Variants in BMP2K observed in about 807,000 individuals in gnomAD.
BMP2K encodes the protein BMP2 inducible kinase.
A neutral mutation model predicts 116.0 loss-of-function variants in BMP2K; 74 were observed. The observed-to-expected ratio is 0.64, with a 90% CI of 0.53 to 0.77. BMP2K has a LOEUF of 0.77. Among genes scored for constraint, BMP2K ranks in the 30% least tolerant of loss-of-function variants. The pLI is 0.00. For missense variants in BMP2K, 1,365 were observed against 1,403.6 expected, an observed-to-expected ratio of 0.97 and a Z score of 0.44; for synonymous variants, 486 against 502.5, an observed-to-expected ratio of 0.97 and a Z score of 0.44.
At chr4:78,848,548 C>T (rs1731112786) in intron 6 of BMP2K, among the ~76,000 whole-genome samples, 1 of 151,420 alleles carries the variant, frequency 6.6e-6, no homozygotes, top group Non-Finnish European at 1.5e-5. Context: ...CAATAGGCAT[C>T]ATACTTTTCA....
intron 3 of BMP2K, among the ~76,000 whole-genome samples, chr4:78,841,017 T>C (rs1214659834): frequency 6.6e-6 from 1 of 151,730 alleles, no homozygotes; most frequent in East Asian, 1.9e-4. Context: ...AATGAGGGAG[T>C]GGTGGAAGTT....
intron 1 of BMP2K, among the ~76,000 whole-genome samples, chr4:78,813,036 C>G (rs1248964541): frequency 1.3e-5 from 2 of 151,462 alleles, no homozygotes; most frequent in Non-Finnish European, 2.9e-5. Context: ...AGAGTGAGAC[C>G]TTTTCTCAAA....
chr4:78,864,711 T>C (rs918336988), intron 9 of BMP2K, among the ~76,000 whole-genome samples: 3 of 152,162 alleles, frequency 2.0e-5, no homozygotes, highest in African/African-American at 4.8e-5. Context: ...ATGTAAAAAT[T>C]TTAAGTATTC....
At chr4:78,876,968 A>G (rs1289413143) in intron 13 of BMP2K, among the ~76,000 whole-genome samples, 2 of 152,316 alleles carry the variant, frequency 1.3e-5, no homozygotes, top group Non-Finnish European at 2.9e-5. Context: ...ATTTAGTACT[A>G]TAGACAATTG....
intron 10 of BMP2K, among the ~76,000 whole-genome samples, chr4:78,870,333 A>G (rs186001436): frequency 3.0e-4 from 45 of 152,194 alleles, no homozygotes; most frequent in African/African-American, 1.0e-3. Flanking sequence ...ACAGACTGAA[A>G]TGTAATAAAC....
chr4:78,811,005 C>T (rs1018068898), intron 1 of BMP2K, among the ~76,000 whole-genome samples: 1 of 152,096 alleles, frequency 6.6e-6, no homozygotes, highest in African/African-American at 2.4e-5. Context: ...TCAAGCTTTA[C>T]CTCTTTGGAA....
intron 1 of BMP2K, among the ~76,000 whole-genome samples, chr4:78,790,117 A>G (rs1392407069): frequency 1.3e-5 from 2 of 152,230 alleles, no homozygotes; most frequent in Admixed American, 1.3e-4. Context: ...AATTCCTATG[A>G]TATTATAAAA....
At chr4:78,902,323 T>C (rs1577977164) in intron 15 of BMP2K, among the ~76,000 whole-genome samples, 1 of 152,150 alleles carries the variant, frequency 6.6e-6, no homozygotes, top group African/African-American at 2.4e-5. Flanking sequence ...GAGAACATAA[T>C]GGAAATGTCA....
chr4:78,862,298 A>T (rs1239166205), intron 9 of BMP2K, among the ~76,000 whole-genome samples: 1 of 152,104 alleles, frequency 6.6e-6, no homozygotes, highest in Non-Finnish European at 1.5e-5. Flanking sequence ...AACGATTACA[A>T]CCTGATAGAT....
intron 5 of BMP2K, among the ~76,000 whole-genome samples, chr4:78,846,066 T>G (rs1730983986): frequency 6.6e-6 from 1 of 151,742 alleles, no homozygotes; most frequent in Non-Finnish European, 1.5e-5. Flanking sequence ...TTGTGATGTT[T>G]AGTGGCTGCT....
At chr4:78,895,485 A>T (rs980621853) in intron 15 of BMP2K, among the ~76,000 whole-genome samples, 4 of 152,190 alleles carry the variant, frequency 2.6e-5, no homozygotes, top group Non-Finnish European at 4.4e-5. Context: ...ATAAATTTTT[A>T]AAAAATACTT....
chr4:78,870,077 G>A (rs140669470), intron 10 of BMP2K, among the ~76,000 whole-genome samples: 90 of 152,268 alleles, frequency 5.9e-4, no homozygotes, highest in African/African-American at 2.1e-3. Flanking sequence ...TGCATTAAGT[G>A]TATATCTTAC....
chr4:78,794,536 T>G (rs908578892), intron 1 of BMP2K, among the ~76,000 whole-genome samples: 2 of 152,210 alleles, frequency 1.3e-5, no homozygotes, highest in Non-Finnish European at 2.9e-5. Context: ...TAATAGTGTT[T>G]GAAAAGATTA....
chr4:78,887,276 C>G lies in BMP2K; in HGVS notation c.2054C>G (p.Ser685Cys). The change falls in exon 15 of 16, where the codon TCT becomes TGT. Residue 685 changes from serine to cysteine, a missense_variant. Transcript: ENST00000502613. Reference protein sequence around the residue: ...EDPFGSVPFISHSGSPEKKAE... With the variant: ...EDPFGSVPFICHSGSPEKKAE... Reference sequence around the variant, plus strand: ...CCTTTTGGTTCTGTTCCTTTCATTTCTCATTCAGGCAAGTTACACATGTAA... The same window carrying G: ...CCTTTTGGTTCTGTTCCTTTCATTTGTCATTCAGGCAAGTTACACATGTAA... 6.2e-7 allele frequency: 1 copy of G among 1,602,630 alleles called. No homozygotes were observed. The highest frequency in any genetic ancestry group is 1.1e-5 in the South Asian group (1 of 89,080).
intron 13 of BMP2K, among the ~76,000 whole-genome samples, chr4:78,875,930 A>G (rs1360668720): frequency 6.6e-6 from 1 of 152,244 alleles, no homozygotes; most frequent in Non-Finnish European, 1.5e-5. Flanking sequence ...ACCTAGTCTC[A>G]GCAGTCATGG....
intron 1 of BMP2K, among the ~76,000 whole-genome samples, chr4:78,790,216 G>T (rs578048480): frequency 2.1e-4 from 32 of 152,094 alleles, no homozygotes; most frequent in Non-Finnish European, 4.4e-4. Flanking sequence ...AAATAGAATG[G>T]TGCTTGATTT....
intron 1 of BMP2K, among the ~76,000 whole-genome samples, chr4:78,789,848 G>T (rs1173229550): frequency 6.6e-6 from 1 of 152,216 alleles, no homozygotes; most frequent in East Asian, 1.9e-4. Context: ...AGGACCTCCT[G>T]TAGGGAGAAA....
chr4:78,796,214 A>T (rs1354174538), intron 1 of BMP2K, among the ~76,000 whole-genome samples: 3 of 152,170 alleles, frequency 2.0e-5, no homozygotes, highest in Non-Finnish European at 4.4e-5. Context: ...TGCAGCCATA[A>T]AAAATGATGA....
chr4:78,884,094 C>T (rs1732973626), intron 14 of BMP2K, among the ~76,000 whole-genome samples: 1 of 151,756 alleles, frequency 6.6e-6, no homozygotes, highest in Non-Finnish European at 1.5e-5. Flanking sequence ...GCCTATAATC[C>T]AGCACTTTGG....
Sources: gnomAD v4.1 joint callset for allele counts (sites outside exome capture counted in the v4.1 genomes callset) on GRCh38, gnomAD v4.1.1 for gene constraint, MANE v1.5 for transcripts, NCBI Gene and HGNC (gene_info 2026-07-23, HGNC 2026-07-21) for gene names.